SUPT3H: variants seen among roughly 807,000 people sequenced by gnomAD.
SUPT3H encodes the protein transcription initiation protein SPT3 homolog.
A neutral mutation model predicts 44.3 loss-of-function variants in SUPT3H; 44 were observed. The observed-to-expected ratio is 0.99, with a 90% CI of 0.78 to 1.28. The LOEUF is 1.28. Among genes scored for constraint, SUPT3H ranks in the 50% most tolerant of loss-of-function variants. The probability of loss-of-function intolerance (pLI) is 0.00; values close to 1 mark genes in which losing one functional copy is unlikely to be tolerated. For synonymous variants in SUPT3H, 124 were observed against 125.6 expected, an observed-to-expected ratio of 0.99 and a Z score of 0.09; for missense variants, 380 against 387.1, an observed-to-expected ratio of 0.98 and a Z score of 0.15.
chr6:45,091,736 T>G (rs1410907483), intron 3 of SUPT3H, among the ~76,000 whole-genome samples: 1 of 152,118 alleles, frequency 6.6e-6, no homozygotes, highest in Non-Finnish European at 1.5e-5. Context: ...TTAAAAATAT[T>G]TTTCCCTTAA....
chr6:45,126,857 T>C (rs2153581816), intron 2 of SUPT3H, among the ~76,000 whole-genome samples: 1 of 152,272 alleles, frequency 6.6e-6, no homozygotes, highest in Non-Finnish European at 1.5e-5. Context: ...AGTTCATTTT[T>C]TAAAAAGGGG....
chr6:45,081,529 G>T (rs12526649), intron 3 of SUPT3H, among the ~76,000 whole-genome samples: 19,270 of 151,958 alleles, frequency 0.13, 1,489 homozygotes, highest in East Asian at 0.26. Context: ...AGACTTTCTT[G>T]TATATACCAT....
At chr6:45,057,020 C>T (rs1005434506) in intron 3 of SUPT3H, among the ~76,000 whole-genome samples, 4 of 151,946 alleles carry the variant, frequency 2.6e-5, no homozygotes, top group African/African-American at 9.7e-5. Context: ...GTATTATAAA[C>T]ATAGAATTGA....
chr6:44,828,270 T>C lies in SUPT3H; in HGVS notation c.*1546A>G, dbSNP rs1232343604. On this transcript the variant is annotated 3_prime_UTR_variant, in exon 11 of 11. Transcript: ENST00000371459. ...AGGAAAATAAGAATGATAAAAAGTT[T>C]AATCATAATCATACATTTTAACAAG... is the stretch of plus-strand genomic sequence containing the variant. Among the ~76,000 whole-genome samples the C allele has an allele frequency of 4.7e-5, 6 of 126,756 alleles. No individual in the cohort carries two copies. Among genetic ancestry groups the C allele is most frequent in the Non-Finnish European group, 9.5e-5 (6 of 63,418 alleles). 83.2% of individuals were successfully genotyped at this position (126,756 alleles called of 152,430 possible).
At chr6:45,018,494 A>T (rs1324577717) in intron 4 of SUPT3H, among the ~76,000 whole-genome samples, 1 of 152,080 alleles carries the variant, frequency 6.6e-6, no homozygotes, top group Non-Finnish European at 1.5e-5. Flanking sequence ...TGTCATAGAT[A>T]GCTCTTATTA....
Position 45,228,655 on chromosome 6 carries a change from A to C in SUPT3H, c.102-122649T>G, listed in dbSNP as rs574454491. On this transcript the variant is annotated intron_variant, in intron 2 of 10. Transcript: ENST00000371459. The stretch of plus-strand genomic sequence containing the variant: ...ACCTTCTAAAAATAAAAATAAAAAA[A>C]ATTTTTTTTTTGAGATGGAGTCTCA... Among the ~76,000 whole-genome samples the C allele has an allele frequency of 5.8e-4, 89 of 152,210 alleles. No individual in the cohort carries two copies. The South Asian group carries it at 6.2e-3, about 11-fold the overall frequency.
chr6:45,228,207 A>G (rs945897247), intron 2 of SUPT3H, among the ~76,000 whole-genome samples: 1 of 152,220 alleles, frequency 6.6e-6, no homozygotes, highest in African/African-American at 2.4e-5. Flanking sequence ...GCCAAAGGGC[A>G]CCCCAATATC....
intron 10 of SUPT3H, among the ~76,000 whole-genome samples, chr6:44,864,570 C>T (rs140338823): frequency 1.8e-3 from 272 of 152,350 alleles, no homozygotes; most frequent in African/African-American, 6.1e-3. Context: ...CAATTCTTGA[C>T]TTCTGTGCAC....
chr6:44,970,696 A>G (rs1049017182), intron 6 of SUPT3H, among the ~76,000 whole-genome samples: 1 of 152,178 alleles, frequency 6.6e-6, no homozygotes, highest in Non-Finnish European at 1.5e-5. Flanking sequence ...GGTTTACATA[A>G]TATCTAGATG....
At chr6:44,956,334 A>G (rs1368739736) in intron 7 of SUPT3H, among the ~76,000 whole-genome samples, 1 of 150,674 alleles carries the variant, frequency 6.6e-6, no homozygotes, top group Non-Finnish European at 1.5e-5. Context: ...AATACAAAAA[A>G]TTAGCTGGGC....
At chr6:45,131,620 T>C (rs1562521073) in intron 2 of SUPT3H, among the ~76,000 whole-genome samples, 1 of 152,166 alleles carries the variant, frequency 6.6e-6, no homozygotes, top group Admixed American at 6.5e-5. Flanking sequence ...CCCTCTACCT[T>C]GCATCACATA....
intron 2 of SUPT3H, among the ~76,000 whole-genome samples, chr6:45,182,681 C>T (rs1000998118): frequency 1.3e-5 from 2 of 151,868 alleles, no homozygotes; most frequent in Non-Finnish European, 2.9e-5. Flanking sequence ...TATGAAGTCT[C>T]TTATCTACAC....
chr6:45,092,157 T>G (rs2153563531), intron 3 of SUPT3H, among the ~76,000 whole-genome samples: 1 of 152,258 alleles, frequency 6.6e-6, no homozygotes, highest in African/African-American at 2.4e-5. Flanking sequence ...AGCATCTGCC[T>G]TATTAATTGC....
chr6:44,971,668 G>C (rs1777587420), intron 6 of SUPT3H, among the ~76,000 whole-genome samples: 1 of 152,068 alleles, frequency 6.6e-6, no homozygotes, highest in Non-Finnish European at 1.5e-5. Flanking sequence ...ATTTGAGTGG[G>C]GACACAGCCA....
At chr6:45,081,472 A>G (rs995995502) in intron 3 of SUPT3H, among the ~76,000 whole-genome samples, 1 of 152,076 alleles carries the variant, frequency 6.6e-6, no homozygotes, top group Admixed American at 6.6e-5. Flanking sequence ...TTATTCATTT[A>G]CTTATTGTCC....
chr6:44,819,809 T>C (rs1258949357), intron 11 of SUPT3H, among the ~76,000 whole-genome samples: 1 of 152,088 alleles, frequency 6.6e-6, no homozygotes, highest in Non-Finnish European at 1.5e-5. Flanking sequence ...ATTGTTTCTA[T>C]GTGCCATATC....
Position 45,003,727 on chromosome 6 carries a change from T to C in SUPT3H, c.430A>G (p.Ile144Val), listed in dbSNP as rs142842829. ...GCTAAAAGTTCTCCTGTCTGGTCAA[T>C]AGAGTTGAGGAAGTCCTGAGCAATC... Reference protein sequence around the residue: ...QKIAQDFLNSIDQTGELLAMF... With the variant: ...QKIAQDFLNSVDQTGELLAMF... Residue 144 changes from isoleucine to valine, a missense_variant, in exon 6 of 11, where the codon ATT becomes GTT. Ile to Val is a conservative substitution (Grantham distance 29). Transcript: ENST00000371459. 3.9e-5 allele frequency: 63 copies of C among 1,613,878 alleles called. No individual in the cohort carries two copies. The highest frequency in any genetic ancestry group is 2.8e-4 in the African/African-American group (21 of 75,032).
chr6:44,927,503 T>C lies in SUPT3H; in HGVS notation c.912+5150A>G, dbSNP rs116355563. 8.6e-3 allele frequency among the ~76,000 whole-genome samples: 1,314 copies of C among 152,314 alleles called. 18 individuals are homozygous for C. Among genetic ancestry groups the C allele is most frequent in the Non-Finnish European group, 0.014 (925 of 68,014 alleles). ...ACCTTTTCAATAACTTATGCAAATA[T>C]GTAAAATCACAAACACTGAAATTGA... On this transcript the variant is annotated intron_variant, in intron 10 of 10. Coordinates refer to ENST00000371459, the MANE Select transcript of SUPT3H (RefSeq NM_003599.4).
At chr6:45,015,880 C>G (rs1433026064) in intron 4 of SUPT3H, among the ~76,000 whole-genome samples, 4 of 151,792 alleles carry the variant, frequency 2.6e-5, no homozygotes, top group African/African-American at 4.8e-5. Flanking sequence ...ACATCCTGTC[C>G]CACTGGAAGG....
Sources: gnomAD v4.1 joint callset for allele counts (sites outside exome capture counted in the v4.1 genomes callset) on GRCh38, gnomAD v4.1.1 for gene constraint, MANE v1.5 for transcripts, NCBI Gene and HGNC (gene_info 2026-07-23, HGNC 2026-07-21) for gene names.